Variants in EPRS1 observed in about 807,000 individuals in gnomAD.
EPRS1 encodes bifunctional glutamate/proline--tRNA ligase.
In EPRS1, 107 loss-of-function variants were observed where a neutral mutation model predicts 188.3. That is an observed-to-expected ratio of 0.57 (90% CI 0.49 to 0.67). EPRS1 has a LOEUF of 0.67. Among genes scored for constraint, EPRS1 ranks in the 30% least tolerant of loss-of-function variants. EPRS1 has a pLI of 0.00. For synonymous variants in EPRS1, 596 were observed against 593.1 expected, an observed-to-expected ratio of 1.00 and a Z score of -0.07; for missense variants, 1,577 against 1,802.2, an observed-to-expected ratio of 0.88 and a Z score of 2.26.
At chr1:220,002,787 G>T (rs558830461) in intron 16 of EPRS1, among the ~76,000 whole-genome samples, 20 of 152,206 alleles carry the variant, frequency 1.3e-4, no homozygotes, top group African/African-American at 4.8e-4. Flanking sequence ...CTGAGCCTGG[G>T]GAGGTCAAGC....
chr1:220,011,184 G>A (rs1661598962), intron 12 of EPRS1, 128 bp from the exon 13 acceptor site: 3 of 549,364 alleles, frequency 5.5e-6, no homozygotes, highest in South Asian at 2.5e-5. Context: ...TTTTTCAACT[G>A]TTAACTCTTT....
intron 14 of EPRS1, 104 bp from the exon 15 acceptor site, chr1:220,006,417 G>T: frequency 3.0e-6 from 1 of 337,808 alleles, no homozygotes; most frequent in South Asian, 1.4e-4. Flanking sequence ...ATAATTTATT[G>T]TTTTATTTTG....
intron 17 of EPRS1, 82 bp from the exon 18 acceptor site, chr1:219,997,424 T>C (rs1661259094): frequency 3.2e-6 from 4 of 1,244,188 alleles, no homozygotes; most frequent in Non-Finnish European, 2.2e-6. Context: ...CTGATTGTTT[T>C]ATAATGTTTC....
chr1:220,005,172 A>G, intron 16 of EPRS1, 76 bp downstream of exon 16: 1 of 555,154 alleles, frequency 1.8e-6, no homozygotes, highest in Admixed American at 3.3e-5. Flanking sequence ...TTTTAGTGAA[A>G]GTTCAATTTC....
At chr1:219,982,678 TA>T in intron 23 of EPRS1, 93 bp downstream of exon 23, 1 of 908,588 alleles carries the variant, frequency 1.1e-6, no homozygotes, top group Admixed American at 2.0e-5. Flanking sequence ...CAACAGAGAT[TA>T]TAGCTATCAC....
chr1:220,018,201 AT>A (rs762267745), intron 12 of EPRS1: 17 of 1,337,138 alleles, frequency 1.3e-5, no homozygotes, highest in African/African-American at 8.7e-5. Flanking sequence ...AAGGAAAAAA[AT>A]ATTACTGTTC....
chr1:219,973,724 C>T (rs543995205), intron 28 of EPRS1, among the ~76,000 whole-genome samples: 1 of 152,170 alleles, frequency 6.6e-6, no homozygotes, highest in East Asian at 1.9e-4. Context: ...TGGGGTTAAA[C>T]GAAGACTTTT....
rs779087237 is a variant in EPRS1 at position 220,022,369 on chromosome 1, G to T, written c.1093C>A (p.Pro365Thr). ...TLYRCKIQPH[P>T]RTGNKYNVYP... Reference sequence around the variant, plus strand: ...TACTTGTATTTATTTCCAGTTCTTGGATGTGGTTGAATTTTGCAGCGATAA... The same window carrying T: ...TACTTGTATTTATTTCCAGTTCTTGTATGTGGTTGAATTTTGCAGCGATAA... The change falls in exon 9 of 32, where the codon CCA (proline) becomes ACA (threonine). Residue 365 changes from proline to threonine, a missense_variant. Transcript: ENST00000366923. 1 of 1,613,300 alleles carries T rather than the reference G, an allele frequency of 6.2e-7. No homozygotes were observed. Among genetic ancestry groups the T allele is most frequent in the South Asian group, 1.1e-5 (1 of 90,838 alleles).
intron 12 of EPRS1, among the ~76,000 whole-genome samples, chr1:220,017,593 C>A (rs1661745814): frequency 6.6e-6 from 1 of 152,160 alleles, no homozygotes; most frequent in Admixed American, 6.5e-5. Context: ...AAACAAGCAA[C>A]TATATCTTGA....
chr1:220,022,510 T>G lies in EPRS1; in HGVS notation c.952A>C (p.Lys318Gln). 1 of 1,610,488 alleles carries G rather than the reference T, an allele frequency of 6.2e-7. No individual in the cohort carries two copies. The highest frequency in any genetic ancestry group is 8.5e-7 in the Non-Finnish European group (1 of 1,177,976). The change falls in exon 9 of 32, where the codon AAG (lysine) becomes CAG (glutamine). Residue 318 changes from lysine to glutamine, a missense_variant. Physicochemically the swap from Lys to Gln is moderately conservative, Grantham distance 53. This residue lies in a region of EPRS1 where 1,278 missense variants were observed against 1,457.4 expected (regional missense o/e 0.88). Transcript: ENST00000366923. ...ATTTCTTCCCACATTTGTAGATTCT[T>G]CTCAATAGCTATAAAATGATAATTA... ...DSKHRKNPIE[K>Q]NLQMWEEMKK... is the part of the protein sequence containing the mutation.
intron 6 of EPRS1, among the ~76,000 whole-genome samples, chr1:220,027,564 C>A (rs1662003734): frequency 8.1e-6 from 1 of 122,818 alleles, no homozygotes; most frequent in Non-Finnish European, 1.6e-5. Flanking sequence ...TGCACGCCAG[C>A]CTGGACAACA....
chr1:219,984,403 C>A, intron 20 of EPRS1, 146 bp from the exon 21 acceptor site: 1 of 660,994 alleles, frequency 1.5e-6, no homozygotes, highest in South Asian at 1.9e-5. Context: ...TATTCATTCC[C>A]AAGATAACGT....
intron 6 of EPRS1, 81 bp downstream of exon 6, chr1:220,030,305 A>T: frequency 1.2e-6 from 1 of 868,628 alleles, no homozygotes; most frequent in Non-Finnish European, 1.9e-6. Context: ...TTAACCTATT[A>T]ATACTTTAAG....
Position 220,024,281 on chromosome 1 carries a change from G to A in EPRS1, c.926C>T (p.Ser309Phe). The change falls in exon 8 of 32, where the codon TCT (serine) becomes TTT (phenylalanine). Residue 309 changes from serine to phenylalanine, a missense_variant. Ser to Phe is a radical substitution (Grantham distance 155). Around this residue, in one of 3 missense-constraint regions of EPRS1, gnomAD observed 1,278 missense variants for 1,457.4 expected, o/e 0.88. Coordinates refer to ENST00000366923, the MANE Select transcript of EPRS1 (RefSeq NM_004446.3). ...MKAEREQRIDSKHRKNPIEKN... is the reference protein window; with the variant it reads ...MKAEREQRIDFKHRKNPIEKN... The stretch of plus-strand genomic sequence containing the variant: ...TGGCTTACGGTTTTTTCTATGTTTA[G>A]AGTCTATCCTCTGCTCACGTTCTGC... The A allele has an allele frequency of 1.9e-6, 3 of 1,589,020 alleles. No homozygotes were observed. The highest frequency in any genetic ancestry group is 2.6e-6 in the Non-Finnish European group (3 of 1,172,606).
intron 1 of EPRS1, among the ~76,000 whole-genome samples, chr1:220,044,794 A>G (rs1662370104): frequency 6.6e-6 from 1 of 151,952 alleles, no homozygotes. Context: ...CCCTTTCTTA[A>G]AACAAGGAAA....
chr1:220,010,563 G>A (rs991084581), intron 13 of EPRS1, among the ~76,000 whole-genome samples: 1 of 152,126 alleles, frequency 6.6e-6, no homozygotes, highest in Non-Finnish European at 1.5e-5. Context: ...TGTAATTCCA[G>A]CACTTTGGGA....
intron 28 of EPRS1, among the ~76,000 whole-genome samples, chr1:219,976,608 A>G (rs1239646256): frequency 6.6e-6 from 1 of 152,202 alleles, no homozygotes; most frequent in Non-Finnish European, 1.5e-5. Flanking sequence ...AATTATTTGT[A>G]TTGGACTTGC....
intron 11 of EPRS1, 77 bp downstream of exon 11, chr1:220,018,917 AT>A: frequency 1.1e-6 from 1 of 919,188 alleles, no homozygotes; most frequent in Non-Finnish European, 1.7e-6. Context: ...AACAACAGAG[AT>A]AATAAAGAGT....
intron 1 of EPRS1, among the ~76,000 whole-genome samples, chr1:220,041,008 T>C (rs1212358047): frequency 1.3e-5 from 2 of 151,972 alleles, no homozygotes; most frequent in South Asian, 2.1e-4. Context: ...TGCTTTACAG[T>C]TAGAATTTTT....
Sources: allele counts gnomAD v4.1 joint callset (sites outside exome capture counted in the v4.1 genomes callset), GRCh38; gene constraint gnomAD v4.1.1; regional missense constraint gnomAD v4.1.1; transcripts MANE v1.5; gene names NCBI Gene and HGNC (gene_info 2026-07-23, HGNC 2026-07-21).